Variants in IL7 observed in about 807,000 individuals in gnomAD.
IL7 encodes interleukin-7.
A neutral mutation model predicts 21.6 loss-of-function variants in IL7; 3 were observed. The observed-to-expected ratio is 0.14, with a 90% CI of 0.06 to 0.36. The LOEUF (loss-of-function observed/expected upper bound fraction) is 0.36. IL7 is among the 10% of genes least tolerant of loss of function. The probability of loss-of-function intolerance (pLI) is 1.00; values close to 1 mark genes in which losing one functional copy is unlikely to be tolerated. For synonymous variants in IL7, 62 were observed against 68.1 expected (o/e 0.91, Z 0.44); for missense variants, 175 against 200.2 (o/e 0.87, Z 0.76).
At chr8:78,767,976 T>A (rs555195515) in intron 2 of IL7, among the ~76,000 whole-genome samples, 2 of 151,738 alleles carry the variant, frequency 1.3e-5, no homozygotes, top group South Asian at 4.2e-4. Context: ...TGTGTCCCTG[T>A]GTTCTCATTG....
At chr8:78,700,638 G>T (rs999272534) in intron 3 of IL7, among the ~76,000 whole-genome samples, 1 of 151,966 alleles carries the variant, frequency 6.6e-6, no homozygotes, top group Non-Finnish European at 1.5e-5. Context: ...TATAGTTTTT[G>T]GTTTTACATT....
At chr8:78,717,402 T>TA, downstream of IL7, 3 of 1,613,586 alleles carry the variant, frequency 1.9e-6, no homozygotes, top group Non-Finnish European at 2.5e-6. Context: ...CCTGGAAACT[T>TA]ACCAAAATTC....
chr8:78,804,969 G>T lies in IL7; in HGVS notation c.-47C>A. The stretch of plus-strand genomic sequence containing the variant: ...GTCATGATGACCGCAACTGGAGCAG[G>T]AGCAAGCTCTCACCGCCCATAGTCA... On this transcript the variant is annotated 5_prime_UTR_variant, in exon 1 of 6. Transcript: ENST00000263851. 6.2e-7 allele frequency: 1 copy of T among 1,602,300 alleles called. No homozygotes were observed. Among genetic ancestry groups the T allele is most frequent in the Non-Finnish European group, 8.5e-7 (1 of 1,172,740 alleles).
chr8:78,798,220 A>G lies in IL7; in HGVS notation c.11-12T>C. 1.3e-6 allele frequency: 2 copies of G among 1,596,586 alleles called. No homozygotes were observed. The highest frequency in any genetic ancestry group is 1.7e-6 in the Non-Finnish European group (2 of 1,165,486). On this transcript the variant is annotated splice_polypyrimidine_tract_variant and intron_variant, in intron 1 of 5. Coordinates refer to ENST00000263851, the MANE Select transcript of IL7 (RefSeq NM_000880.4). ...ATACCTAAAAGAAACTAAATTTGAC[A>G]GTAAATAAGAATGAGCTAAATGTTA...
intron 4 of IL7, among the ~76,000 whole-genome samples, chr8:78,677,195 A>G (rs1265662923): frequency 6.6e-6 from 1 of 152,136 alleles, no homozygotes; most frequent in African/African-American, 2.4e-5. Flanking sequence ...ATACAAAAGA[A>G]AAAAGAGTAT....
intron 2 of IL7, chr8:78,746,891 T>C (rs976566830): frequency 2.8e-6 from 1 of 360,848 alleles, no homozygotes; most frequent in African/African-American, 2.1e-5. Flanking sequence ...TGTTCATTCT[T>C]ACCCAATTTC....
rs141859324 is a variant in IL7 at position 78,757,327 on chromosome 8, G to A, written c.148-17245C>T. On this transcript the variant is annotated intron_variant, in intron 2 of 5. Coordinates refer to ENST00000263851, the MANE Select transcript of IL7 (RefSeq NM_000880.4). ...TAGCATATGGTTTATCCTGAAGAAC[G>A]TTCCATGTGCTGGTGAAAAGAATGT... is the stretch of plus-strand genomic sequence containing the variant. Among the ~76,000 whole-genome samples, 1,340 of 152,080 alleles carry A rather than the reference G, an allele frequency of 8.8e-3. 15 individuals carry two copies. The highest frequency in any genetic ancestry group is 0.03 in the African/African-American group (1,265 of 41,498).
chr8:78,783,371 G>A (rs1011109697), intron 2 of IL7, among the ~76,000 whole-genome samples: 7 of 152,146 alleles, frequency 4.6e-5, no homozygotes, highest in Non-Finnish European at 1.0e-4. Flanking sequence ...CCCTGCAGGT[G>A]GGCCATTACT....
In IL7 at chr8:78,694,286, G is replaced by GT. The variant is rs34581027; in HGVS notation, n.215-8340dup. Among the ~76,000 whole-genome samples the GT allele has an allele frequency of 6.1e-3, 870 of 142,468 alleles. 8 individuals carry two copies. Among genetic ancestry groups the GT allele is most frequent in the African/African-American group, 0.02 (786 of 38,916 alleles). The allele number at this position is 142,468 out of a possible 152,430, so 93.5% of individuals were successfully genotyped here. On this transcript the variant is annotated intron_variant and non_coding_transcript_variant, in intron 3 of 4. Coordinates refer to the IL7 transcript ENST00000523959. ...AGTGACTTGTATGGATATGTTCCTT[G>GT]TTTTTTTTTTTTTCTCATTCAGTTT...
intron 1 of IL7, 92 bp from the exon 2 acceptor site, chr8:78,798,300 T>A: frequency 1.2e-6 from 1 of 860,190 alleles, no homozygotes; most frequent in Non-Finnish European, 1.7e-6. Context: ...TAATTTCTAA[T>A]AATTTTAAAA....
intron 4 of IL7, among the ~76,000 whole-genome samples, chr8:78,682,817 A>T (rs1809832489): frequency 6.6e-6 from 1 of 152,184 alleles, no homozygotes; most frequent in Non-Finnish European, 1.5e-5. Flanking sequence ...GAGTCTCTAA[A>T]ATCAAAAACA....
At chr8:78,793,956 C>G (rs1459653267) in intron 2 of IL7, among the ~76,000 whole-genome samples, 1 of 152,122 alleles carries the variant, frequency 6.6e-6, no homozygotes, top group African/African-American at 2.4e-5. Context: ...AGCAACTCAT[C>G]ATCCATTCCA....
chr8:78,802,587 C>A (rs1030449752), intron 1 of IL7, among the ~76,000 whole-genome samples: 2 of 151,966 alleles, frequency 1.3e-5, no homozygotes, highest in South Asian at 2.1e-4. Flanking sequence ...CCCACCACAA[C>A]GCCTGGCAAA....
intron 1 of IL7, among the ~76,000 whole-genome samples, chr8:78,802,058 T>G (rs1563442203): frequency 6.6e-6 from 1 of 152,224 alleles, no homozygotes; most frequent in East Asian, 1.9e-4. Flanking sequence ...TTGCCCTTAC[T>G]TCCCCTGAAG....
intron 2 of IL7, among the ~76,000 whole-genome samples, chr8:78,783,376 A>C (rs1272112155): frequency 1.3e-5 from 2 of 152,126 alleles, no homozygotes; most frequent in Non-Finnish European, 2.9e-5. Context: ...CAGGTGGGCC[A>C]TTACTCCACT....
chr8:78,783,627 C>T (rs1813414088), intron 2 of IL7, among the ~76,000 whole-genome samples: 1 of 152,128 alleles, frequency 6.6e-6, no homozygotes, highest in East Asian at 1.9e-4. Context: ...TACCAATTAA[C>T]ATATGTGGCA....
intron 2 of IL7, among the ~76,000 whole-genome samples, chr8:78,773,150 C>A (rs567618279): frequency 1.3e-5 from 2 of 152,110 alleles, no homozygotes; most frequent in African/African-American, 4.8e-5. Flanking sequence ...TTACAAAGCA[C>A]GGACCAGTCC....
rs560576141 is a variant in IL7 at position 78,768,258 on chromosome 8, T to A, written c.148-28176A>T. Reference sequence around the variant, plus strand: ...GTGTGCATGTGTCTTTATAGCAGCATGATTTATAGTTCTTTGGGTATATAC... The same window carrying A: ...GTGTGCATGTGTCTTTATAGCAGCAAGATTTATAGTTCTTTGGGTATATAC... On this transcript the variant is annotated intron_variant, in intron 2 of 5. Transcript: ENST00000263851. Among the ~76,000 whole-genome samples the A allele has an allele frequency of 3.4e-3, 519 of 152,274 alleles. 2 individuals carry two copies. Among genetic ancestry groups the A allele is most frequent in the African/African-American group, 0.012 (486 of 41,556 alleles).
At chr8:78,732,058 G>T (rs1191161882), downstream of IL7, among the ~76,000 whole-genome samples, 1 of 151,872 alleles carries the variant, frequency 6.6e-6, no homozygotes, top group Non-Finnish European at 1.5e-5. Context: ...CTAACTAATG[G>T]TTTACCAATA....
Sources: gnomAD v4.1 joint callset for allele counts (sites outside exome capture counted in the v4.1 genomes callset) on GRCh38, gnomAD v4.1.1 for gene constraint, MANE v1.5 for transcripts, NCBI Gene and HGNC (gene_info 2026-07-23, HGNC 2026-07-21) for gene names.